Variants in PCDHGB1 observed in about 807,000 individuals in gnomAD.
The protein encoded by PCDHGB1 is protocadherin gamma subfamily B, 1.
A neutral mutation model predicts 56.6 loss-of-function variants in PCDHGB1; 34 were observed. That is an observed-to-expected ratio of 0.60 (90% confidence interval 0.46 to 0.80). The LOEUF is 0.80. Among genes scored for constraint, PCDHGB1 ranks in the 30% least tolerant of loss-of-function variants. The pLI is 0.00. For missense variants in PCDHGB1, 1,278 were observed against 1,204.6 expected (o/e 1.06, Z -0.90); for synonymous variants, 561 against 505.9 (o/e 1.11, Z -1.46).
chr5:141,485,426 C>T lies in PCDHGB1; in HGVS notation c.2410-9381C>T. 6.2e-7 allele frequency: 1 copy of T among 1,614,158 alleles called. No individual in the cohort carries two copies. Among genetic ancestry groups the T allele is most frequent in the South Asian group, 1.1e-5 (1 of 91,078 alleles). ...TGTGGATTTGGACAGCGGAGCCCTGCTCATCAAGAACCCAATCGACCGAGA... is the reference window on the plus strand; with the variant it reads ...TGTGGATTTGGACAGCGGAGCCCTGTTCATCAAGAACCCAATCGACCGAGA... On this transcript the variant is annotated intron_variant, in intron 1 of 3. Transcript: ENST00000523390. The surrounding 1 kb of genome is among the most constrained non-coding windows in gnomAD (Gnocchi z 5.7).
In PCDHGB1 at chr5:141,486,587, G is replaced by A. The variant is rs2099631441; in HGVS notation, c.2410-8220G>A. 6.2e-7 allele frequency: 1 copy of A among 1,613,478 alleles called. No homozygotes were observed. The highest frequency in any genetic ancestry group is 1.7e-5 in the Admixed American group (1 of 60,014). On this transcript the variant is annotated intron_variant, in intron 1 of 3. Coordinates refer to ENST00000523390, the MANE Select transcript of PCDHGB1 (RefSeq NM_018922.3). The surrounding 1 kb of genome is among the most constrained non-coding windows in gnomAD (Gnocchi z 5.0). ...TGTTCCTGAGAACAATCGCCCAGGGGACCTGCTTTGCTCCCTTGCAGCCTC... is the reference window on the plus strand; with the variant it reads ...TGTTCCTGAGAACAATCGCCCAGGGAACCTGCTTTGCTCCCTTGCAGCCTC...
At position 141,485,677 on chromosome 5, in the gene PCDHGB1, C is replaced by T. The variant is rs757797282; in HGVS notation, c.2410-9130C>T. ...CAGATGTGGGGAGCAATTCGATTAG[C>T]AGCTATAGGCTGAGCTCCAATGAAC... On this transcript the variant is annotated intron_variant, in intron 1 of 3. Transcript: ENST00000523390. This position sits in a 1 kb window ranked among gnomAD's most constrained non-coding sequence, Gnocchi z 5.7. 2.4e-5 allele frequency: 38 copies of T among 1,612,714 alleles called. No individual in the cohort carries two copies. In the East Asian group the frequency reaches 7.8e-4, roughly 33 times the overall value.
intron 2 of PCDHGB1, among the ~76,000 whole-genome samples, chr5:141,500,138 ACTTTT>A: frequency 6.6e-6 from 1 of 150,560 alleles, no homozygotes; most frequent in Middle Eastern, 3.2e-3. Flanking sequence ...ATCTTTCTAA[ACTTTT>A]CTTTGTGTAA....
intron 1 of PCDHGB1, chr5:141,362,672 T>A: frequency 8.1e-7 from 1 of 1,241,688 alleles, no homozygotes; most frequent in Non-Finnish European, 1.1e-6. Context: ...TGTTGTGCCT[T>A]AATTGTCTTA....
intron 1 of PCDHGB1, chr5:141,376,385 C>T (rs1200175997): frequency 6.2e-7 from 1 of 1,614,120 alleles, no homozygotes; most frequent in Non-Finnish European, 8.5e-7. Flanking sequence ...TAAGAGTCAT[C>T]TGATTTTCCC....
In PCDHGB1 at chr5:141,490,801, A is replaced by G; in HGVS notation, c.2410-4006A>G. On this transcript the variant is annotated intron_variant, in intron 1 of 3. Transcript: ENST00000523390. The surrounding 1 kb of genome is among the most constrained non-coding windows in gnomAD (Gnocchi z 5.4). ...GGATGGACGGATCTTTGCCCAGCGT[A>G]CCTTTGACTATGAATTGCTGCAGAT... The G allele has an allele frequency of 6.2e-7, 1 of 1,613,854 alleles. No homozygotes were observed. Among genetic ancestry groups the G allele is most frequent in the African/African-American group, 1.3e-5 (1 of 75,042 alleles).
At chr5:141,424,094 A>G (rs1036391991) in intron 1 of PCDHGB1, 11 of 864,422 alleles carry the variant, frequency 1.3e-5, no homozygotes, top group Non-Finnish European at 1.4e-5. Context: ...ATTATTTGCT[A>G]TTACTGCTAA....
chr5:141,483,814 C>A (rs1262593892), intron 1 of PCDHGB1, among the ~76,000 whole-genome samples: 4 of 151,994 alleles, frequency 2.6e-5, no homozygotes, highest in African/African-American at 9.7e-5. Flanking sequence ...TTTTTGGCAG[C>A]CAGTGTAACC....
At position 141,424,003 on chromosome 5, in the gene PCDHGB1, T is replaced by C. The variant is rs150506228; in HGVS notation, c.2410-70804T>C. 5.3e-3 allele frequency: 5,614 copies of C among 1,067,752 alleles called. 27 individuals carry two copies. The highest frequency in any genetic ancestry group is 0.01 in the Admixed American group (195 of 19,092). 66.1% of individuals were successfully genotyped at this position (1,067,752 alleles called of 1,614,324 possible). A position where few individuals can be genotyped will look rare whatever the true frequency, so the allele number is the denominator to read the frequency against. ...AGGCTCTCAATTTATTATATATAGA[T>C]ACAAATTAATGATTCACAAACACTT... On this transcript the variant is annotated intron_variant, in intron 1 of 3. Transcript: ENST00000523390.
At chr5:141,360,360 C>T in intron 1 of PCDHGB1, 1 of 1,613,892 alleles carries the variant, frequency 6.2e-7, no homozygotes, top group Non-Finnish European at 8.5e-7. Flanking sequence ...AGGAATATTT[C>T]ACAGTAAACC....
Position 141,351,434 on chromosome 5 carries a change from T to G in PCDHGB1, c.1174T>G (p.Ser392Ala). Residue 392 changes from serine to alanine, a missense_variant, in exon 1 of 4, where the codon TCC becomes GCC. Ser to Ala is a moderately conservative substitution (Grantham distance 99). Coordinates refer to ENST00000523390, the MANE Select transcript of PCDHGB1 (RefSeq NM_018922.3). ...GGAAGAAGTTCCTTTCAAATTAGAA[T>G]CCACCTCGAAGAATTATTACAAGCT... The part of the protein sequence containing the change: ...TQEEVPFKLE[S>A]TSKNYYKLVI... 1 of 1,612,158 alleles carries G rather than the reference T, an allele frequency of 6.2e-7. No individual in the cohort carries two copies. Among genetic ancestry groups the G allele is most frequent in the Non-Finnish European group, 8.5e-7 (1 of 1,178,946 alleles).
intron 1 of PCDHGB1, chr5:141,408,003 C>A: frequency 3.3e-6 from 3 of 917,520 alleles, no homozygotes; most frequent in Non-Finnish European, 4.7e-6. Context: ...GCCTGGGATT[C>A]CCTGCGCAGC....
chr5:141,385,200 C>G (rs776177043), intron 1 of PCDHGB1: 4 of 1,614,214 alleles, frequency 2.5e-6, no homozygotes, highest in Middle Eastern at 3.3e-4. Flanking sequence ...GGAAGAGTCA[C>G]CTGATCTTCC....
chr5:141,362,106 G>A, intron 1 of PCDHGB1: 1 of 1,612,496 alleles, frequency 6.2e-7, no homozygotes, highest in Non-Finnish European at 8.5e-7. Flanking sequence ...TCTCCGCTAC[G>A]GCCACGCTGC....
chr5:141,505,520 C>T, intron 3 of PCDHGB1, 39 bp downstream of exon 3: 1 of 1,612,650 alleles, frequency 6.2e-7, no homozygotes, highest in Non-Finnish European at 8.5e-7. Flanking sequence ...AGTGGGAGAC[C>T]TGGGGTTCTG....
intron 1 of PCDHGB1, chr5:141,419,262 G>C: frequency 1.9e-6 from 3 of 1,614,014 alleles, no homozygotes; most frequent in Non-Finnish European, 2.5e-6. Context: ...AACCAGCCGG[G>C]TGCCTCCATA....
chr5:141,485,745 T>C lies in PCDHGB1; in HGVS notation c.2410-9062T>C. 3 of 1,614,146 alleles carry C rather than the reference T, an allele frequency of 1.9e-6. No individual in the cohort carries two copies. Among genetic ancestry groups the C allele is most frequent in the Non-Finnish European group, 2.5e-6 (3 of 1,179,986 alleles). ...AAGAAGCGCAGCGACGGCAGCCTGGTCCCAGAGCTGCTCCTGGAGAAGCCT... is the reference window on the plus strand; with the variant it reads ...AAGAAGCGCAGCGACGGCAGCCTGGCCCCAGAGCTGCTCCTGGAGAAGCCT... On this transcript the variant is annotated intron_variant, in intron 1 of 3. Transcript: ENST00000523390. This position sits in a 1 kb window ranked among gnomAD's most constrained non-coding sequence, Gnocchi z 5.7.
intron 1 of PCDHGB1, chr5:141,399,330 A>G: frequency 6.2e-7 from 1 of 1,613,994 alleles, no homozygotes; most frequent in South Asian, 1.1e-5. Flanking sequence ...ATAAGTTGGT[A>G]ACAGATGGAA....
intron 1 of PCDHGB1, among the ~76,000 whole-genome samples, chr5:141,462,783 T>C (rs1313584666): frequency 6.6e-6 from 1 of 152,236 alleles, no homozygotes; most frequent in Non-Finnish European, 1.5e-5. Flanking sequence ...CATAATTTGT[T>C]GCTTATTTGC....
Sources: allele counts gnomAD v4.1 joint callset (sites outside exome capture counted in the v4.1 genomes callset), GRCh38; gene constraint gnomAD v4.1.1; non-coding constraint Gnocchi (gnomAD v3.1); transcripts MANE v1.5; gene names NCBI Gene and HGNC (gene_info 2026-07-23, HGNC 2026-07-21).